The following SHISA9 variants were observed in gnomAD, a reference collection of about 807,000 sequenced individuals.
SHISA9 encodes protein shisa-9.
In SHISA9, 13 loss-of-function variants were observed where a neutral mutation model predicts 38.0. The observed-to-expected ratio is 0.34, with a 90% CI of 0.22 to 0.54. The LOEUF (loss-of-function observed/expected upper bound fraction) is 0.54. Among genes scored for constraint, SHISA9 ranks in the 20% least tolerant of loss-of-function variants. The pLI is 0.91. For synonymous variants in SHISA9, 275 were observed against 242.0 expected (o/e 1.14, Z -1.27); for missense variants, 538 against 575.8 (o/e 0.93, Z 0.67).
intron 3 of SHISA9, among the ~76,000 whole-genome samples, chr16:13,210,787 T>C (rs566018771): frequency 1.2e-4 from 18 of 152,360 alleles, no homozygotes; most frequent in African/African-American, 4.1e-4. Flanking sequence ...TTCCCCATAA[T>C]CCGTACTTTT....
At chr16:13,326,068 TA>T in the SHISA9 span, among the ~76,000 whole-genome samples, 214 of 112,046 alleles carry the variant, frequency 1.9e-3, no homozygotes, top group Middle Eastern at 4.5e-3. Context: ...AAAGTCAAAT[TA>T]AAAAAAAAAA....
At chr16:13,311,452 G>A in the SHISA9 span, among the ~76,000 whole-genome samples, 1 of 152,022 alleles carries the variant, frequency 6.6e-6, no homozygotes, top group Non-Finnish European at 1.5e-5. Context: ...TACGTCTCAA[G>A]CCCAGCCCCA....
the SHISA9 span, among the ~76,000 whole-genome samples, chr16:13,275,474 A>C: frequency 6.6e-6 from 1 of 152,048 alleles, no homozygotes; most frequent in African/African-American, 2.4e-5. Flanking sequence ...TATATTATCA[A>C]ATGTATGAGT....
At chr16:13,046,886 C>A (rs1046120260) in intron 2 of SHISA9, among the ~76,000 whole-genome samples, 1 of 152,240 alleles carries the variant, frequency 6.6e-6, no homozygotes, top group Admixed American at 6.5e-5. Context: ...GTAGCAGCAC[C>A]ATTCCCCCGG....
At chr16:13,384,729 A>G in the SHISA9 span, among the ~76,000 whole-genome samples, 43 of 152,368 alleles carry the variant, frequency 2.8e-4, no homozygotes, top group African/African-American at 9.6e-4. Flanking sequence ...CCAAACAGCC[A>G]TGATCTGCTA....
At chr16:13,347,534 G>A in the SHISA9 span, among the ~76,000 whole-genome samples, 12 of 152,266 alleles carry the variant, frequency 7.9e-5, no homozygotes, top group East Asian at 2.1e-3. Context: ...TAGAGCGGGT[G>A]CAAAAGGAAA....
intron 2 of SHISA9, among the ~76,000 whole-genome samples, chr16:13,178,443 T>G (rs1467878187): frequency 2.0e-5 from 3 of 152,078 alleles, no homozygotes; most frequent in Non-Finnish European, 4.4e-5. Flanking sequence ...GGCCCCACGT[T>G]TTACAAGTTG....
chr16:13,425,087 G>A, the SHISA9 span, among the ~76,000 whole-genome samples: 4,649 of 152,308 alleles, frequency 0.031, 148 homozygotes, highest in African/African-American at 0.075. Context: ...TATCCTAAGC[G>A]AATGAATGCA....
intron 2 of SHISA9, among the ~76,000 whole-genome samples, chr16:13,112,701 T>C (rs2073991338): frequency 6.6e-6 from 1 of 152,088 alleles, no homozygotes; most frequent in South Asian, 2.1e-4. Flanking sequence ...CATCTCTTAT[T>C]TGGATGCTTC....
intron 2 of SHISA9, among the ~76,000 whole-genome samples, chr16:13,042,392 G>A (rs1277734528): frequency 6.6e-6 from 1 of 152,186 alleles, no homozygotes; most frequent in African/African-American, 2.4e-5. Flanking sequence ...TGCAATGAAT[G>A]GAAAATGCAG....
At chr16:13,459,607 A>ATATCACTCTTC in the SHISA9 span, among the ~76,000 whole-genome samples, 39 of 152,336 alleles carry the variant, frequency 2.6e-4, no homozygotes, top group Non-Finnish European at 4.6e-4. Flanking sequence ...GATATCACTG[A>ATATCACTCTTC]AGATTTTTTA....
chr16:13,219,211 G>T (rs11648461), intron 4 of SHISA9, among the ~76,000 whole-genome samples: 3 of 152,150 alleles, frequency 2.0e-5, no homozygotes, highest in South Asian at 2.1e-4. Flanking sequence ...GACTAGTTTG[G>T]CCGTGTGTCC....
the SHISA9 span, among the ~76,000 whole-genome samples, chr16:13,270,731 T>G: frequency 6.6e-6 from 1 of 152,248 alleles, no homozygotes; most frequent in African/African-American, 2.4e-5. Flanking sequence ...AGGAAATGAT[T>G]GTGCAGGTTG....
intron 2 of SHISA9, among the ~76,000 whole-genome samples, chr16:13,150,846 A>T (rs1567228705): frequency 1.3e-5 from 2 of 152,344 alleles, no homozygotes; most frequent in South Asian, 4.1e-4. Context: ...TATATCCAAG[A>T]TGCAATCAAA....
At chr16:13,020,076 G>C (rs144076097) in intron 2 of SHISA9, among the ~76,000 whole-genome samples, 112 of 143,446 alleles carry the variant, frequency 7.8e-4, no homozygotes, top group African/African-American at 2.8e-3. Flanking sequence ...ACCCAGGCTG[G>C]AGTGCGGTGC....
the SHISA9 span, among the ~76,000 whole-genome samples, chr16:13,263,300 C>G: frequency 2.0e-5 from 3 of 152,160 alleles, no homozygotes; most frequent in Non-Finnish European, 4.4e-5. Flanking sequence ...CCACCCAAAT[C>G]TCATGTTCAA....
chr16:13,447,795 C>G, the SHISA9 span, among the ~76,000 whole-genome samples: 1 of 152,126 alleles, frequency 6.6e-6, no homozygotes, highest in Non-Finnish European at 1.5e-5. Context: ...GTTGAAAGAT[C>G]GTCACAGAAA....
At chr16:13,078,296 C>G (rs921396584) in intron 2 of SHISA9, among the ~76,000 whole-genome samples, 1 of 152,166 alleles carries the variant, frequency 6.6e-6, no homozygotes, top group African/African-American at 2.4e-5. Context: ...TACTTTAGAT[C>G]GTCTCTAGGT....
At chr16:13,555,184 C>G in the SHISA9 span, among the ~76,000 whole-genome samples, 3 of 152,168 alleles carry the variant, frequency 2.0e-5, no homozygotes, top group Admixed American at 6.5e-5. Context: ...GAGCAAATAA[C>G]CTATATAGAC....
Sources: gnomAD v4.1 joint callset for allele counts (sites outside exome capture counted in the v4.1 genomes callset) on GRCh38, gnomAD v4.1.1 for gene constraint, MANE v1.5 for transcripts, NCBI Gene and HGNC (gene_info 2026-07-23, HGNC 2026-07-21) for gene names.